The following NCKAP1 variants were observed in gnomAD, a reference collection of about 807,000 sequenced individuals.
The protein encoded by NCKAP1 is nck-associated protein 1.
In NCKAP1, 21 loss-of-function variants were observed where a neutral mutation model predicts 151.2. That is an observed-to-expected ratio of 0.14 (90% CI 0.10 to 0.20). The LOEUF is 0.20. NCKAP1 is among the 10% of genes least tolerant of loss of function. NCKAP1 has a pLI of 1.00. For missense variants in NCKAP1, 933 were observed against 1,352.1 expected, an observed-to-expected ratio of 0.69 and a Z score of 4.86; for synonymous variants, 484 against 451.8, an observed-to-expected ratio of 1.07 and a Z score of -0.90.
At chr2:182,996,467 T>A (rs1043221651) in intron 6 of NCKAP1, among the ~76,000 whole-genome samples, 2 of 152,196 alleles carry the variant, frequency 1.3e-5, no homozygotes, top group African/African-American at 4.8e-5. Context: ...AGTGATTCTT[T>A]TTTTTTTTGA....
chr2:182,977,572 T>C (rs1697851613), intron 14 of NCKAP1, among the ~76,000 whole-genome samples: 1 of 152,184 alleles, frequency 6.6e-6, no homozygotes, highest in Non-Finnish European at 1.5e-5. Flanking sequence ...ATGGCTGAAC[T>C]TGAGGACATT....
At chr2:182,941,369 T>G (rs905837652) in intron 24 of NCKAP1, among the ~76,000 whole-genome samples, 2 of 152,184 alleles carry the variant, frequency 1.3e-5, no homozygotes, top group Admixed American at 6.5e-5. Flanking sequence ...AATTTTTTTT[T>G]AAGTTGTAGG....
chr2:182,953,996 C>A, intron 20 of NCKAP1, among the ~76,000 whole-genome samples: 1 of 152,058 alleles, frequency 6.6e-6, no homozygotes, highest in Non-Finnish European at 1.5e-5. Context: ...CTGTTAGGTG[C>A]CAGTAGTTTT....
chr2:183,010,813 A>C (rs746896604), intron 2 of NCKAP1, among the ~76,000 whole-genome samples: 66 of 152,220 alleles, frequency 4.3e-4, no homozygotes, highest in Non-Finnish European at 8.5e-4. Flanking sequence ...AACACAATTT[A>C]CCTCACTTAA....
intron 15 of NCKAP1, among the ~76,000 whole-genome samples, chr2:182,976,641 AAG>A (rs1042091767): frequency 2.6e-5 from 4 of 152,180 alleles, no homozygotes; most frequent in African/African-American, 4.8e-5. Flanking sequence ...CAGGATAATC[AAG>A]AGAGAGATTG....
chr2:182,924,219 A>T lies in NCKAP1; in HGVS notation c.*1483T>A, dbSNP rs1183773886. The T allele has an allele frequency of 6.6e-6, 1 of 152,236 alleles. No individual in the cohort carries two copies. Among genetic ancestry groups the T allele is most frequent in the Admixed American group, 6.5e-5 (1 of 15,276 alleles). 9.4% of individuals were successfully genotyped at this position (152,236 alleles called of 1,614,324 possible). A position where few individuals can be genotyped will look rare whatever the true frequency, so the allele number is the denominator to read the frequency against. ...TTTAAATATAGGCTGGACAAATCAT[A>T]CACAAAATAATAGCATAATCTCATA... On this transcript the variant is annotated 3_prime_UTR_variant, in exon 31 of 31. Transcript: ENST00000361354.
At chr2:182,973,410 G>A (rs1467810109) in intron 15 of NCKAP1, among the ~76,000 whole-genome samples, 1 of 152,056 alleles carries the variant, frequency 6.6e-6, no homozygotes, top group Non-Finnish European at 1.5e-5. Flanking sequence ...AAATGCTTAA[G>A]GGACTGATGG....
chr2:183,038,192 C>G lies in NCKAP1; in HGVS notation c.-93G>C, dbSNP rs1699144952. On this transcript the variant is annotated 5_prime_UTR_variant, in exon 1 of 31. Transcript: ENST00000361354. ...CAGCCTCTCTCGGGCCTCCTCCCCT[C>G]CCGCCCGCGACCTCCGCCTTAGGAG... 1.0e-5 allele frequency: 9 copies of G among 858,244 alleles called. No homozygotes were observed. The East Asian group carries it at 3.0e-4, about 28-fold the overall frequency. 53.2% of individuals were successfully genotyped at this position (858,244 alleles called of 1,614,324 possible).
At chr2:183,024,926 CTG>C in intron 1 of NCKAP1, 2 of 1,599,560 alleles carry the variant, frequency 1.3e-6, no homozygotes, top group Non-Finnish European at 1.7e-6. Context: ...AAACATGAAA[CTG>C]ATCTGAAAGC....
At chr2:182,958,423 C>T (rs1050307684) in intron 18 of NCKAP1, among the ~76,000 whole-genome samples, 4 of 152,140 alleles carry the variant, frequency 2.6e-5, no homozygotes, top group South Asian at 2.1e-4. Flanking sequence ...GGATTACAAG[C>T]GTGAGCCACC....
chr2:182,991,824 C>A (rs1021195122), intron 8 of NCKAP1, among the ~76,000 whole-genome samples: 1 of 152,068 alleles, frequency 6.6e-6, no homozygotes, highest in Admixed American at 6.6e-5. Context: ...GAAAAAAAAT[C>A]TTTCCTAAGG....
chr2:183,021,288 G>A (rs1356786053), intron 2 of NCKAP1, among the ~76,000 whole-genome samples: 2 of 152,044 alleles, frequency 1.3e-5, no homozygotes, highest in East Asian at 3.9e-4. Flanking sequence ...CCACACAACG[G>A]AGTATTATTT....
At chr2:182,997,822 CTA>C (rs750275837) in intron 6 of NCKAP1, among the ~76,000 whole-genome samples, 54 of 152,222 alleles carry the variant, frequency 3.5e-4, no homozygotes, top group Non-Finnish European at 6.0e-4. Context: ...CCTCATCATT[CTA>C]TGAGTCCAAT....
intron 23 of NCKAP1, among the ~76,000 whole-genome samples, chr2:182,951,805 T>A (rs570266126): frequency 1.2e-4 from 19 of 152,112 alleles, no homozygotes; most frequent in Non-Finnish European, 4.4e-5. Context: ...AACTACATAG[T>A]TATTATATAT....
At chr2:182,999,790 G>GTA (rs1698343504) in intron 6 of NCKAP1, among the ~76,000 whole-genome samples, 1 of 152,146 alleles carries the variant, frequency 6.6e-6, no homozygotes, top group African/African-American at 2.4e-5. Context: ...AGAGAGTGTG[G>GTA]TATATATGCA....
Position 182,927,641 on chromosome 2 carries a change from T to C in NCKAP1, c.3180+476A>G, listed in dbSNP as rs541090746. ...TCTCTCTTGGTAGTGAGTAGTATTT[T>C]TAATGATGAATTTTTCACCATTAAT... On this transcript the variant is annotated intron_variant, in intron 29 of 30. Coordinates refer to ENST00000361354, the MANE Select transcript of NCKAP1 (RefSeq NM_013436.5). Among the ~76,000 whole-genome samples, 53 of 152,198 alleles carry C rather than the reference T, an allele frequency of 3.5e-4. 1 individual carries two copies. The highest frequency in any genetic ancestry group is 2.0e-3 in the Admixed American group (30 of 15,256).
At position 182,925,712 on chromosome 2, in the gene NCKAP1, G is replaced by C; in HGVS notation, c.3377C>G (p.Ser1126Cys). Residue 1126 changes from serine (S) to cysteine (C), a missense_variant, in exon 31 of 31, where the codon TCT becomes TGT. By Grantham distance (112) the Ser-to-Cys change is moderately radical. This residue lies in a region of NCKAP1 where 326 missense variants were observed against 557.1 expected (regional missense o/e 0.59). Coordinates refer to ENST00000361354, the MANE Select transcript of NCKAP1 (RefSeq NM_013436.5). ...YHAVYKQSVT[S>C]SA is the part of the protein sequence containing the mutation. ...ATTAAGTAGGTAATTTTATGCAGAA[G>C]ATGTAACACTTTGTTTGTAGACAGC... 6.5e-7 allele frequency: 1 copy of C among 1,547,860 alleles called. No individual in the cohort carries two copies. The highest frequency in any genetic ancestry group is 8.7e-7 in the Non-Finnish European group (1 of 1,147,342).
At chr2:182,940,172 A>G (rs984780173) in intron 24 of NCKAP1, among the ~76,000 whole-genome samples, 2 of 152,200 alleles carry the variant, frequency 1.3e-5, no homozygotes, top group African/African-American at 4.8e-5. Flanking sequence ...TAGGAAAGTA[A>G]ATAGGGTTAA....
At chr2:182,944,608 C>G (rs1413403326) in intron 23 of NCKAP1, among the ~76,000 whole-genome samples, 3 of 152,160 alleles carry the variant, frequency 2.0e-5, no homozygotes, top group Admixed American at 2.0e-4. Context: ...GTCTGACACA[C>G]AATTTATTCA....
Sources: allele counts gnomAD v4.1 joint callset (sites outside exome capture counted in the v4.1 genomes callset), GRCh38; gene constraint gnomAD v4.1.1; regional missense constraint gnomAD v4.1.1; transcripts MANE v1.5; gene names NCBI Gene and HGNC (gene_info 2026-07-23, HGNC 2026-07-21).